The following TAS2R1 variants were observed in gnomAD, a reference collection of about 807,000 sequenced individuals.
TAS2R1 encodes taste receptor type 2 member 1.
For synonymous variants in TAS2R1, 141 were observed against 134.2 expected, an observed-to-expected ratio of 1.05 and a Z score of -0.35; for missense variants, 370 against 353.4, an observed-to-expected ratio of 1.05 and a Z score of -0.38.
the TAS2R1 span, among the ~76,000 whole-genome samples, chr5:9,803,221 AG>A: frequency 6.6e-6 from 1 of 152,352 alleles, no homozygotes; most frequent in Admixed American, 6.5e-5. Flanking sequence ...AAATGGAAAA[AG>A]CTTCCAAGAA....
intron 2 of TAS2R1, among the ~76,000 whole-genome samples, chr5:9,647,311 G>T (rs1740209921): frequency 6.6e-6 from 1 of 152,142 alleles, no homozygotes; most frequent in Non-Finnish European, 1.5e-5. Flanking sequence ...GAATATTGTG[G>T]ATTTATTTGC....
intron 1 of TAS2R1, among the ~76,000 whole-genome samples, chr5:9,681,514 G>A (rs1579781462): frequency 1.1e-5 from 1 of 90,386 alleles, no homozygotes; most frequent in African/African-American, 4.2e-5. Context: ...CATTTCAGGG[G>A]ACTTCTCATG....
At position 9,651,686 on chromosome 5, in the gene TAS2R1, A is replaced by G. The variant is rs1740307653; in HGVS notation, c.-81+7735T>C. ...ATCTCATTTGAGTGAGTGCAGCTCC[A>G]GCTTTGTGTAGATCTTGAGCATCCT... is the stretch of plus-strand genomic sequence containing the variant. On this transcript the variant is annotated intron_variant, in intron 2 of 2. Coordinates refer to the TAS2R1 transcript ENST00000506620. Among the ~76,000 whole-genome samples the G allele has an allele frequency of 6.6e-5, 10 of 152,120 alleles. No homozygotes were observed. The South Asian group carries it at 1.9e-3, about 28-fold the overall frequency.
At chr5:9,797,139 A>G in the TAS2R1 span, among the ~76,000 whole-genome samples, 1 of 152,156 alleles carries the variant, frequency 6.6e-6, no homozygotes, top group Non-Finnish European at 1.5e-5. Context: ...AGAGGATGTC[A>G]CAACTGTCCC....
At chr5:9,654,371 C>T (rs528791170) in intron 2 of TAS2R1, among the ~76,000 whole-genome samples, 6 of 152,016 alleles carry the variant, frequency 3.9e-5, no homozygotes, top group Non-Finnish European at 8.8e-5. Context: ...TATTCTCTAG[C>T]CTTCCACCAT....
chr5:9,873,531 C>A, the TAS2R1 span, among the ~76,000 whole-genome samples: 1 of 151,468 alleles, frequency 6.6e-6, no homozygotes, highest in African/African-American at 2.4e-5. Context: ...AAGTATCTTA[C>A]ATCCTGAGTG....
At chr5:9,782,376 T>G in the TAS2R1 span, among the ~76,000 whole-genome samples, 4 of 146,300 alleles carry the variant, frequency 2.7e-5, no homozygotes, top group East Asian at 8.3e-4. Flanking sequence ...AGTTTACTGA[T>G]GAACTCCACT....
chr5:9,843,312 A>G, the TAS2R1 span, among the ~76,000 whole-genome samples: 60 of 152,302 alleles, frequency 3.9e-4, no homozygotes, highest in African/African-American at 1.3e-3. Context: ...GGTCTTCCAC[A>G]ACCCAAAGTA....
At chr5:9,811,019 G>C in the TAS2R1 span, among the ~76,000 whole-genome samples, 1 of 152,168 alleles carries the variant, frequency 6.6e-6, no homozygotes, top group Non-Finnish European at 1.5e-5. Flanking sequence ...TGGTTTAAAT[G>C]TGTGTGTTCC....
the TAS2R1 span, among the ~76,000 whole-genome samples, chr5:9,769,456 G>T: frequency 6.6e-6 from 1 of 152,056 alleles, no homozygotes; most frequent in African/African-American, 2.4e-5. Context: ...ATTATATAAA[G>T]GTTCTATTTA....
chr5:9,641,899 C>T (rs1740092279), intron 2 of TAS2R1: 1 of 152,188 alleles, frequency 6.6e-6, no homozygotes, highest in South Asian at 2.1e-4. Flanking sequence ...GGAACGTTGA[C>T]AGTTTTACAT....
At chr5:9,630,583 G>C (rs80246040), upstream of TAS2R1, among the ~76,000 whole-genome samples, 6,457 of 152,264 alleles carry the variant, frequency 0.042, 175 homozygotes, top group Non-Finnish European at 0.065. Context: ...CTGTAAAATA[G>C]TTATAGAATA....
intron 2 of TAS2R1, among the ~76,000 whole-genome samples, chr5:9,654,856 G>A (rs932821842): frequency 6.6e-6 from 1 of 152,118 alleles, no homozygotes; most frequent in African/African-American, 2.4e-5. Flanking sequence ...AACTTATTAC[G>A]AAGTTAAACA....
At chr5:9,874,806 C>G in the TAS2R1 span, among the ~76,000 whole-genome samples, 1 of 152,116 alleles carries the variant, frequency 6.6e-6, no homozygotes, top group Non-Finnish European at 1.5e-5. Context: ...TTTTCTCAGT[C>G]AAGAAGAAAG....
At chr5:9,860,024 T>C in the TAS2R1 span, among the ~76,000 whole-genome samples, 1 of 152,218 alleles carries the variant, frequency 6.6e-6, no homozygotes, top group Non-Finnish European at 1.5e-5. Context: ...GTTGTAAACT[T>C]TCAGAGACAT....
the TAS2R1 span, among the ~76,000 whole-genome samples, chr5:9,726,308 TTG>T: frequency 3.3e-5 from 5 of 152,118 alleles, no homozygotes; most frequent in South Asian, 1.0e-3. Context: ...TGGAGAACCT[TTG>T]TGTCTAGCTC....
intron 1 of TAS2R1, among the ~76,000 whole-genome samples, chr5:9,683,798 AC>A (rs1741073775): frequency 6.6e-6 from 1 of 151,908 alleles, no homozygotes. Flanking sequence ...CCTTCCCCCA[AC>A]CCCAACCCAA....
the TAS2R1 span, among the ~76,000 whole-genome samples, chr5:9,781,889 C>T: frequency 6.6e-6 from 1 of 152,194 alleles, no homozygotes. Context: ...TGTTTGGAGC[C>T]TTCTCACCTT....
intron 1 of TAS2R1, among the ~76,000 whole-genome samples, chr5:9,702,601 TTAAA>T (rs1300251060): frequency 6.6e-6 from 1 of 151,968 alleles, no homozygotes; most frequent in Non-Finnish European, 1.5e-5. Flanking sequence ...AAACTATGAG[TTAAA>T]TAGTTACTGT....
Sources: allele counts gnomAD v4.1 joint callset (sites outside exome capture counted in the v4.1 genomes callset), GRCh38; gene constraint gnomAD v4.1.1; transcripts MANE v1.5; gene names NCBI Gene and HGNC (gene_info 2026-07-23, HGNC 2026-07-21).